SGCD: variants seen among roughly 807,000 people sequenced by gnomAD.
The protein encoded by SGCD is delta-sarcoglycan.
SGCD carries 18 observed loss-of-function variants against 36.6 expected under a neutral mutation model. That is an observed-to-expected ratio of 0.49 (90% CI 0.34 to 0.73). SGCD has a LOEUF of 0.73. Among genes scored for constraint, SGCD ranks in the 30% least tolerant of loss-of-function variants. The pLI is 0.01. For synonymous variants in SGCD, 133 were observed against 130.6 expected, an observed-to-expected ratio of 1.02 and a Z score of -0.12; for missense variants, 387 against 346.7, an observed-to-expected ratio of 1.12 and a Z score of -0.92.
upstream of SGCD, among the ~76,000 whole-genome samples, chr5:155,869,955 C>A (rs1006916593): frequency 2.0e-5 from 3 of 152,108 alleles, no homozygotes; most frequent in Non-Finnish European, 4.4e-5. Context: ...AGATCAAGAT[C>A]GCACTACTGC....
chr5:156,688,530 C>G lies in SGCD; in HGVS notation c.575+40994C>G, dbSNP rs555301779. 2.6e-5 allele frequency among the ~76,000 whole-genome samples: 4 copies of G among 152,122 alleles called. No homozygotes were observed. In the East Asian group the frequency reaches 7.7e-4, roughly 29 times the overall value. The stretch of plus-strand genomic sequence containing the variant: ...TTTTTAAAGGATGTCAGAAACTCCC[C>G]AAATTAACAGGAGGCTGGAAAGGGT... On this transcript the variant is annotated intron_variant, in intron 7 of 8. Transcript: ENST00000337851.
intron 3 of SGCD, among the ~76,000 whole-genome samples, chr5:156,234,759 C>T (rs1765113339): frequency 6.6e-6 from 1 of 152,080 alleles, no homozygotes; most frequent in Non-Finnish European, 1.5e-5. Flanking sequence ...AGACCCTAGG[C>T]AAATGTTATT....
intron 1 of SGCD, among the ~76,000 whole-genome samples, chr5:156,113,598 T>A (rs770845938): frequency 5.9e-5 from 9 of 152,218 alleles, no homozygotes; most frequent in Non-Finnish European, 1.3e-4. Flanking sequence ...GAAGACAGTT[T>A]GGCAGTTTCT....
intron 3 of SGCD, among the ~76,000 whole-genome samples, chr5:156,480,412 G>A (rs1755371891): frequency 6.6e-6 from 1 of 152,212 alleles, no homozygotes; most frequent in Non-Finnish European, 1.5e-5. Context: ...CATATCTACA[G>A]TATGATAGAG....
intron 7 of SGCD, among the ~76,000 whole-genome samples, chr5:156,705,931 G>A (rs953535502): frequency 3.9e-5 from 6 of 152,106 alleles, no homozygotes; most frequent in East Asian, 1.9e-4. Flanking sequence ...CATTCATGGT[G>A]AGTTCAAATA....
the SGCD span, among the ~76,000 whole-genome samples, chr5:155,810,795 CTTTTTTTTTTTTTTTTTTTTTTTT>C: frequency 2.8e-4 from 10 of 35,334 alleles, no homozygotes; most frequent in Admixed American, 9.8e-4. Flanking sequence ...TTAGTGTCTG[CTTTTTTTTTTTTTTTTTTTTTTTT>C]TTTTTTTTTT....
the SGCD span, among the ~76,000 whole-genome samples, chr5:155,750,125 G>T: frequency 1.3e-5 from 2 of 152,214 alleles, no homozygotes; most frequent in East Asian, 3.9e-4. Flanking sequence ...GTCTGGGGAG[G>T]TGAAGAGTCT....
At chr5:155,797,497 G>A in the SGCD span, among the ~76,000 whole-genome samples, 1 of 152,242 alleles carries the variant, frequency 6.6e-6, no homozygotes, top group African/African-American at 2.4e-5. Context: ...TAGGAAAAAA[G>A]GCCAATAGAA....
At chr5:155,835,002 A>ATTTTTTTTTTTTTTTTTT in the SGCD span, among the ~76,000 whole-genome samples, 383 of 60,168 alleles carry the variant, frequency 6.4e-3, 67 homozygotes, top group Non-Finnish European at 9.2e-3. Flanking sequence ...TGCCCAGCTA[A>ATTTTTTTTTTTTTTTTTT]TTTTTTTTTT....
chr5:156,445,024 T>C (rs562018711), intron 3 of SGCD, among the ~76,000 whole-genome samples: 1 of 152,210 alleles, frequency 6.6e-6, no homozygotes, highest in South Asian at 2.1e-4. Flanking sequence ...TTGAGAGCAT[T>C]AGCGTTCTTC....
intron 3 of SGCD, among the ~76,000 whole-genome samples, chr5:156,278,064 T>C (rs147682882): frequency 9.8e-5 from 15 of 152,300 alleles, no homozygotes; most frequent in African/African-American, 3.6e-4. Context: ...GGAAAGGTGA[T>C]GCTTGAGCTG....
intron 3 of SGCD, among the ~76,000 whole-genome samples, chr5:156,385,564 G>A (rs35129841): frequency 0.039 from 5,933 of 152,320 alleles, 186 homozygotes; most frequent in Non-Finnish European, 0.06. Flanking sequence ...GTTTGGACAA[G>A]TGATACAGAA....
intron 3 of SGCD, among the ~76,000 whole-genome samples, chr5:156,355,708 C>A (rs1386663429): frequency 6.6e-6 from 1 of 152,224 alleles, no homozygotes; most frequent in Non-Finnish European, 1.5e-5. Context: ...GTGATCCCAG[C>A]TCACTCCAAA....
At chr5:155,846,191 G>A in the SGCD span, among the ~76,000 whole-genome samples, 103 of 152,162 alleles carry the variant, frequency 6.8e-4, 1 homozygote, top group South Asian at 4.6e-3. Flanking sequence ...TAGCGTATTC[G>A]TCTTTACTAT....
chr5:156,026,744 G>A (rs915242680), intron 1 of SGCD, among the ~76,000 whole-genome samples: 3 of 152,140 alleles, frequency 2.0e-5, no homozygotes, highest in East Asian at 3.9e-4. Flanking sequence ...CCTCAGATCA[G>A]GCGGTTGTAA....
chr5:155,727,932 C>T, the SGCD span, among the ~76,000 whole-genome samples: 1 of 152,196 alleles, frequency 6.6e-6, no homozygotes, highest in Admixed American at 6.5e-5. Context: ...ATACTAGAAA[C>T]CTGTCCCCTT....
chr5:155,784,278 TAGAC>T, the SGCD span, among the ~76,000 whole-genome samples: 18 of 152,120 alleles, frequency 1.2e-4, no homozygotes, highest in Middle Eastern at 3.4e-3. Flanking sequence ...GGATTGGAAA[TAGAC>T]AGGGCATGTC....
chr5:156,375,577 C>T (rs1400035376), intron 3 of SGCD, among the ~76,000 whole-genome samples: 2 of 151,870 alleles, frequency 1.3e-5, no homozygotes, highest in Admixed American at 6.6e-5. Context: ...CCAAAGTGTG[C>T]CCCATTAAAT....
chr5:156,746,129 G>A (rs2113115815), intron 7 of SGCD, among the ~76,000 whole-genome samples: 1 of 151,666 alleles, frequency 6.6e-6, no homozygotes. Flanking sequence ...AAAAGGAGTA[G>A]GCGAGAAAAA....
Sources: allele counts gnomAD v4.1 joint callset (sites outside exome capture counted in the v4.1 genomes callset), GRCh38; gene constraint gnomAD v4.1.1; transcripts MANE v1.5; gene names NCBI Gene and HGNC (gene_info 2026-07-23, HGNC 2026-07-21).